The following KLC1 variants were observed in gnomAD, a reference collection of about 807,000 sequenced individuals.
The protein encoded by KLC1 is kinesin light chain 1, also known as kinesin 2 60/70kDa.
In KLC1, 30 loss-of-function variants were observed where a neutral mutation model predicts 84.2. The ratio of observed to expected loss-of-function variants is 0.36; its 90% CI spans 0.27 to 0.48. The LOEUF is 0.48. KLC1 is among the 20% of genes least tolerant of loss of function. The probability of loss-of-function intolerance (pLI) is 0.99; values close to 1 mark genes in which losing one functional copy is unlikely to be tolerated. For synonymous variants in KLC1, 289 were observed against 293.3 expected (o/e 0.99, Z 0.15); for missense variants, 499 against 805.4 (o/e 0.62, Z 4.60).
At chr14:103,637,955 T>C (rs1424041251) in intron 1 of KLC1, among the ~76,000 whole-genome samples, 1 of 152,192 alleles carries the variant, frequency 6.6e-6, no homozygotes, top group East Asian at 1.9e-4. Context: ...CCTCCCAAAG[T>C]GCTGGGATTA....
At chr14:103,630,460 G>GAT (rs758498759) in intron 1 of KLC1, among the ~76,000 whole-genome samples, 1 of 152,182 alleles carries the variant, frequency 6.6e-6, no homozygotes, top group African/African-American at 2.4e-5. Context: ...AAAAATTTGA[G>GAT]ATATACTATT....
In KLC1 at chr14:103,673,167, G is replaced by A. The variant is rs1221103264; in HGVS notation, c.1141G>A (p.Ala381Thr). 1.2e-6 allele frequency: 2 copies of A among 1,612,746 alleles called. No individual in the cohort carries two copies. The highest frequency in any genetic ancestry group is 2.7e-5 in the African/African-American group (2 of 74,744). ...ACTGGGACCTGATGACCCCAACGTG[G>A]CTAAGACGAAAAATAACCTGGTGTG... ...TKLGPDDPNV[A>T]KTKNNLASCY... is the part of the protein sequence containing the mutation. The change falls in exon 8 of 17, where the codon GCT becomes ACT. Residue 381 changes from alanine to threonine, a missense_variant. Around this residue, in one of 3 missense-constraint regions of KLC1, gnomAD observed 153 missense variants for 332.4 expected, o/e 0.46. Coordinates refer to ENST00000334553, the MANE Select transcript of KLC1 (RefSeq NM_001394837.1).
chr14:103,674,438 G>T (rs1182951784), intron 9 of KLC1, among the ~76,000 whole-genome samples: 2 of 151,060 alleles, frequency 1.3e-5, no homozygotes, highest in Non-Finnish European at 2.9e-5. Flanking sequence ...TTTTGAGGTG[G>T]AATTTCGTTC....
chr14:103,661,233 T>G (rs2079261770), intron 3 of KLC1, among the ~76,000 whole-genome samples: 2 of 152,188 alleles, frequency 1.3e-5, no homozygotes, highest in Admixed American at 1.3e-4. Context: ...TTTTGTTAAC[T>G]GCCAACAGCA....
chr14:103,685,049 G>A (rs781001719), intron 13 of KLC1: 17 of 1,544,586 alleles, frequency 1.1e-5, no homozygotes, highest in Admixed American at 5.9e-5. Flanking sequence ...GAGTCCGAGC[G>A]GGCGGGGCGC....
At chr14:103,700,308 G>A (rs1280003512) in intron 15 of KLC1, 1 of 265,828 alleles carries the variant, frequency 3.8e-6, no homozygotes, top group African/African-American at 2.3e-5. Context: ...GCTTCCAGGG[G>A]AGGACCCCCC....
At chr14:103,641,562 A>G (rs2077491319) in intron 1 of KLC1, among the ~76,000 whole-genome samples, 1 of 152,150 alleles carries the variant, frequency 6.6e-6, no homozygotes, top group Non-Finnish European at 1.5e-5. Flanking sequence ...CATGGTGAAA[A>G]GAGTGTGAGA....
intron 1 of KLC1, among the ~76,000 whole-genome samples, chr14:103,647,940 G>T (rs1408942813): frequency 1.3e-5 from 2 of 151,338 alleles, no homozygotes; most frequent in Non-Finnish European, 2.9e-5. Flanking sequence ...AAAAGACCAG[G>T]TCTATTTGTA....
intron 13 of KLC1, chr14:103,685,964 A>G (rs1193518174): frequency 1.8e-6 from 2 of 1,121,602 alleles, no homozygotes; most frequent in African/African-American, 3.3e-5. Flanking sequence ...GTGTCACACA[A>G]GGTGTTGTTG....
chr14:103,655,862 G>T (rs117509700), intron 2 of KLC1, among the ~76,000 whole-genome samples: 1 of 152,126 alleles, frequency 6.6e-6, no homozygotes, highest in African/African-American at 2.4e-5. Flanking sequence ...TTTGAAAAGC[G>T]GATCCAAAAT....
At chr14:103,653,431 C>T (rs977656093) in intron 1 of KLC1, among the ~76,000 whole-genome samples, 1 of 152,146 alleles carries the variant, frequency 6.6e-6, no homozygotes, top group Non-Finnish European at 1.5e-5. Context: ...AAGTGATTCT[C>T]GTGCCTCAGC....
chr14:103,661,307 C>T (rs772945197), intron 3 of KLC1, among the ~76,000 whole-genome samples: 13 of 152,056 alleles, frequency 8.5e-5, no homozygotes, highest in Non-Finnish European at 1.6e-4. Context: ...TGCATGTGGC[C>T]GTCACATCTG....
Position 103,672,995 on chromosome 14 carries a change from T to C in KLC1, c.988-19T>C, listed in dbSNP as rs749745270. 3.1e-6 allele frequency: 5 copies of C among 1,611,916 alleles called. No homozygotes were observed. The highest frequency in any genetic ancestry group is 2.7e-5 in the African/African-American group (2 of 74,874). ...GGAAGCAGAACAAGTGTCTCTAATA[T>C]GCTGTTTTTTATTTTCAGGTTTTGG... is the stretch of plus-strand genomic sequence containing the variant. On this transcript the variant is annotated intron_variant, in intron 7 of 16. Coordinates refer to ENST00000334553, the MANE Select transcript of KLC1 (RefSeq NM_001394837.1).
intron 7 of KLC1, among the ~76,000 whole-genome samples, chr14:103,672,292 G>C (rs117167308): frequency 0.026 from 4,004 of 152,260 alleles, 84 homozygotes; most frequent in Non-Finnish European, 0.039. Flanking sequence ...GGCACAAAGC[G>C]GAGAGAACTC....
Position 103,675,670 on chromosome 14 carries a change from A to T in KLC1, c.1312-19A>T. 1 of 1,610,836 alleles carries T rather than the reference A, an allele frequency of 6.2e-7. No individual in the cohort carries two copies. The highest frequency in any genetic ancestry group is 8.5e-7 in the Non-Finnish European group (1 of 1,177,286). The stretch of plus-strand genomic sequence containing the variant: ...CATTCAAGATAATTATTCATTTGAA[A>T]TTATTTCTTATAATTTAGGGAAAGC... On this transcript the variant is annotated intron_variant, in intron 10 of 16. Transcript: ENST00000334553.
chr14:103,647,518 TG>T (rs1197629236), intron 1 of KLC1, among the ~76,000 whole-genome samples: 1 of 152,068 alleles, frequency 6.6e-6, no homozygotes, highest in Non-Finnish European at 1.5e-5. Flanking sequence ...GGAGAGCCAC[TG>T]TGCCTTACCC....
intron 5 of KLC1, among the ~76,000 whole-genome samples, chr14:103,665,887 C>T (rs1404785111): frequency 8.5e-5 from 13 of 152,112 alleles, no homozygotes; most frequent in African/African-American, 3.1e-4. Flanking sequence ...GTGGGGGGCT[C>T]TATTCCGTTG....
At chr14:103,671,009 T>G (rs568578723) in intron 7 of KLC1, among the ~76,000 whole-genome samples, 1 of 152,072 alleles carries the variant, frequency 6.6e-6, no homozygotes, top group African/African-American at 2.4e-5. Context: ...AAGCCTGATA[T>G]GGCCTAGAAG....
chr14:103,645,087 C>A (rs1250747485), intron 1 of KLC1, among the ~76,000 whole-genome samples: 1 of 152,154 alleles, frequency 6.6e-6, no homozygotes, highest in Non-Finnish European at 1.5e-5. Context: ...GATTCTCCTG[C>A]CTCAGCCTCT....
Sources: gnomAD v4.1 joint callset for allele counts (sites outside exome capture counted in the v4.1 genomes callset) on GRCh38, gnomAD v4.1.1 for gene constraint, gnomAD v4.1.1 regional missense constraint, MANE v1.5 for transcripts, NCBI Gene and HGNC (gene_info 2026-07-23, HGNC 2026-07-21) for gene names.